The following PCLO variants were observed in gnomAD, a reference collection of about 807,000 sequenced individuals.
PCLO encodes protein piccolo.
PCLO carries 82 observed loss-of-function variants against 427.5 expected under a neutral mutation model. The observed-to-expected ratio is 0.19, with a 90% CI of 0.16 to 0.23. PCLO has a LOEUF of 0.23. Ranked by LOEUF, PCLO falls within the 10% of genes least tolerant of loss-of-function variation. The pLI is 1.00. For missense variants in PCLO, 6,239 were observed against 6,115.9 expected (o/e 1.02, Z -0.67); for synonymous variants, 2,357 against 2,155.4 (o/e 1.09, Z -2.59).
Position 82,915,738 on chromosome 7 carries a change from G to C in PCLO, c.12248C>G (p.Thr4083Ser). Residue 4083 changes from threonine (T) to serine (S), a missense_variant, in exon 7 of 25, where the codon ACT (threonine) becomes AGT (serine). Physicochemically the swap from Thr to Ser is moderately conservative, Grantham distance 58. Coordinates refer to ENST00000333891, the MANE Select transcript of PCLO (RefSeq NM_033026.6). ...LSKTDRLLRT[T>S]ETRRSQEVTD... Reference sequence around the variant, plus strand: ...CACTTCTTGAGACCGGCGTGTCTCAGTGGTTCGAAGGAGACGGTCTGTTTT... The same window carrying C: ...CACTTCTTGAGACCGGCGTGTCTCACTGGTTCGAAGGAGACGGTCTGTTTT... 1 of 1,612,168 alleles carries C rather than the reference G, an allele frequency of 6.2e-7. No homozygotes were observed.
intron 9 of PCLO, among the ~76,000 whole-genome samples, chr7:82,896,564 T>C (rs1793908611): frequency 6.6e-6 from 1 of 151,644 alleles, no homozygotes; most frequent in Admixed American, 6.6e-5. Flanking sequence ...AAAACAAGAT[T>C]GTGGTGATGA....
intron 3 of PCLO, among the ~76,000 whole-genome samples, chr7:83,017,721 G>A (rs554702564): frequency 1.3e-5 from 2 of 151,884 alleles, no homozygotes; most frequent in African/African-American, 4.8e-5. Context: ...AGAGAAAAGA[G>A]ACATTTAAAA....
At chr7:82,844,211 T>C (rs1792441695) in intron 13 of PCLO, among the ~76,000 whole-genome samples, 1 of 152,150 alleles carries the variant, frequency 6.6e-6, no homozygotes, top group Non-Finnish European at 1.5e-5. Context: ...GAATTATTTT[T>C]AAATGATTAT....
chr7:82,997,463 T>C (rs1008444274), intron 3 of PCLO, among the ~76,000 whole-genome samples: 1 of 152,046 alleles, frequency 6.6e-6, no homozygotes, highest in African/African-American at 2.4e-5. Context: ...ATGTTTGCCA[T>C]CTGTCAAATC....
chr7:82,812,064 T>C (rs1050135232), intron 20 of PCLO, among the ~76,000 whole-genome samples: 1 of 151,422 alleles, frequency 6.6e-6, no homozygotes, highest in African/African-American at 2.4e-5. Flanking sequence ...GTAGCTCCTT[T>C]TAGAGAAGAA....
At chr7:82,891,813 G>C (rs1793773929) in intron 9 of PCLO, among the ~76,000 whole-genome samples, 1 of 151,946 alleles carries the variant, frequency 6.6e-6, no homozygotes, top group African/African-American at 2.4e-5. Context: ...TTTGTCGTTG[G>C]TTCTGTTCAT....
intron 20 of PCLO, among the ~76,000 whole-genome samples, chr7:82,818,169 A>C (rs1016261939): frequency 2.6e-5 from 4 of 152,122 alleles, no homozygotes; most frequent in African/African-American, 4.8e-5. Context: ...GTTTTTGCAC[A>C]ATCTGTCTAA....
intron 3 of PCLO, among the ~76,000 whole-genome samples, chr7:83,106,658 AAAT>A (rs1202105883): frequency 1.3e-5 from 2 of 152,182 alleles, no homozygotes; most frequent in South Asian, 2.1e-4. Flanking sequence ...ATTTTATATG[AAAT>A]AATAAAATAT....
At chr7:83,110,978 C>T (rs929276981) in intron 3 of PCLO, among the ~76,000 whole-genome samples, 6 of 152,096 alleles carry the variant, frequency 3.9e-5, no homozygotes, top group African/African-American at 1.4e-4. Context: ...GAAAATGATG[C>T]ATTAATATTT....
chr7:83,150,863 T>C (rs1792111524), intron 2 of PCLO, among the ~76,000 whole-genome samples: 3 of 152,206 alleles, frequency 2.0e-5, no homozygotes, highest in East Asian at 1.9e-4. Flanking sequence ...CTATCTTGCA[T>C]AGAAAAACTG....
At chr7:82,777,378 T>G (rs1313404676) in intron 22 of PCLO, among the ~76,000 whole-genome samples, 1 of 152,096 alleles carries the variant, frequency 6.6e-6, no homozygotes, top group Non-Finnish European at 1.5e-5. Flanking sequence ...ACCAATGATA[T>G]TCTTCAGAGA....
chr7:82,997,466 G>A (rs1490855168), intron 3 of PCLO, among the ~76,000 whole-genome samples: 1 of 151,970 alleles, frequency 6.6e-6, no homozygotes. Flanking sequence ...TTTGCCATCT[G>A]TCAAATCTTA....
rs34157318 is a variant in PCLO, at chr7:83,038,119, GCA to G, written c.3301-71634_3301-71633del. The stretch of plus-strand genomic sequence containing the variant: ...TATATATTTATATATGTATATATAT[GCA>G]CACACACACATACACACACTCATAT... On this transcript the variant is annotated intron_variant, in intron 3 of 24. Transcript: ENST00000333891. 3.8e-3 allele frequency among the ~76,000 whole-genome samples: 319 copies of G among 83,490 alleles called. 25 individuals are homozygous for G. Among genetic ancestry groups the G allele is most frequent in the African/African-American group, 0.012 (271 of 22,508 alleles). 54.8% of individuals were successfully genotyped at this position (83,490 alleles called of 152,430 possible). A position where few individuals can be genotyped will look rare whatever the true frequency, so the allele number is the denominator to read the frequency against.
chr7:82,988,206 T>A (rs1032031464), intron 3 of PCLO, among the ~76,000 whole-genome samples: 2 of 152,062 alleles, frequency 1.3e-5, no homozygotes, highest in Admixed American at 6.6e-5. Flanking sequence ...TTAAAAAAAA[T>A]TTTAGTAGAG....
intron 9 of PCLO, among the ~76,000 whole-genome samples, chr7:82,889,101 C>A (rs560725320): frequency 1.3e-5 from 2 of 151,968 alleles, no homozygotes; most frequent in East Asian, 3.9e-4. Context: ...GACCTAGGGG[C>A]GCTCCAACCT....
rs545177107 is a variant in PCLO, at chr7:83,156,291, T to A, written c.350A>T (p.Asp117Val). The part of the protein sequence containing the change: ...QPGLSKSRTT[D>V]TFRSEQKLPG... ...CAATTTCTGCTCTGACCTGAAAGTG[T>A]CTGTAGTTCTACTTTTACTGAGACC... Residue 117 changes from aspartate to valine, a missense_variant, in exon 2 of 25, where the codon GAC becomes GTC. Coordinates refer to ENST00000333891, the MANE Select transcript of PCLO (RefSeq NM_033026.6). 18 of 1,613,528 alleles carry A rather than the reference T, an allele frequency of 1.1e-5. No homozygotes were observed. In the East Asian group the frequency reaches 4.0e-4, roughly 36 times the overall value.
At position 83,086,631 on chromosome 7, in the gene PCLO, T is replaced by G. The variant is rs569313616; in HGVS notation, c.3300+47619A>C. On this transcript the variant is annotated intron_variant, in intron 3 of 24. Coordinates refer to ENST00000333891, the MANE Select transcript of PCLO (RefSeq NM_033026.6). Reference sequence around the variant, plus strand: ...CATTAATCTGGCCTGGATTAAATATTTAAGAGTATTTTGGATGCTGGCACA... The same window carrying G: ...CATTAATCTGGCCTGGATTAAATATGTAAGAGTATTTTGGATGCTGGCACA... Among the ~76,000 whole-genome samples the G allele has an allele frequency of 9.3e-5, 14 of 151,182 alleles. No individual in the cohort carries two copies. The South Asian group carries it at 2.7e-3, about 29-fold the overall frequency.
intron 3 of PCLO, among the ~76,000 whole-genome samples, chr7:83,025,615 T>C (rs1418347544): frequency 6.6e-6 from 1 of 152,046 alleles, no homozygotes; most frequent in Non-Finnish European, 1.5e-5. Flanking sequence ...GCCACAAAGA[T>C]ACTCCTCGAG....
intron 3 of PCLO, among the ~76,000 whole-genome samples, chr7:82,969,682 T>A (rs575060595): frequency 6.6e-6 from 1 of 152,246 alleles, no homozygotes; most frequent in Non-Finnish European, 1.5e-5. Context: ...ATTCTGTATG[T>A]ATCTATTTGG....
Sources: gnomAD v4.1 joint callset for allele counts (sites outside exome capture counted in the v4.1 genomes callset) on GRCh38, gnomAD v4.1.1 for gene constraint, MANE v1.5 for transcripts, NCBI Gene and HGNC (gene_info 2026-07-23, HGNC 2026-07-21) for gene names.